The following USP12 variants were observed in gnomAD, a reference collection of about 807,000 sequenced individuals.
USP12 encodes ubiquitin specific peptidase 12.
Under a neutral mutation model 45.5 loss-of-function variants are expected in USP12, and 19 were observed. The observed-to-expected ratio is 0.42, with a 90% confidence interval of 0.29 to 0.61. The LOEUF (loss-of-function observed/expected upper bound fraction) is 0.61. Among genes scored for constraint, USP12 ranks in the 20% least tolerant of loss-of-function variants. The probability of loss-of-function intolerance (pLI) is 0.22; values close to 1 mark genes in which losing one functional copy is unlikely to be tolerated. For synonymous variants in USP12, 149 were observed against 148.8 expected, an observed-to-expected ratio of 1.00 and a Z score of -0.01; for missense variants, 242 against 447.7, an observed-to-expected ratio of 0.54 and a Z score of 4.15.
At chr13:27,076,188 C>CCAAT (rs1873480515) in intron 6 of USP12, among the ~76,000 whole-genome samples, 1 of 151,994 alleles carries the variant, frequency 6.6e-6, no homozygotes, top group Non-Finnish European at 1.5e-5. Flanking sequence ...GCACTAAAGA[C>CCAAT]CAATCAAGGT....
intron 6 of USP12, among the ~76,000 whole-genome samples, chr13:27,080,772 TTTGG>T (rs1485664246): frequency 1.3e-5 from 2 of 152,306 alleles, no homozygotes; most frequent in African/African-American, 4.8e-5. Context: ...CATACACATT[TTTGG>T]TTTCCCAGTG....
rs1872989433 is a variant in USP12, at chr13:27,066,340, T to G, written c.*2943A>C. On this transcript the variant is annotated 3_prime_UTR_variant, in exon 9 of 9. Transcript: ENST00000282344. ...GAGAGGTTAAGTGACTTGCCCAAGG[T>G]CACACAGTTAAATTCACTGAAGAGC... is the stretch of plus-strand genomic sequence containing the variant. 6.6e-6 allele frequency: 1 copy of G among 152,394 alleles called. No homozygotes were observed. The allele number at this position is 152,394 out of a possible 1,614,324, so 9.4% of individuals were successfully genotyped here.
intron 2 of USP12, among the ~76,000 whole-genome samples, chr13:27,106,603 T>A (rs923527637): frequency 6.6e-6 from 1 of 152,130 alleles, no homozygotes; most frequent in Non-Finnish European, 1.5e-5. Context: ...ATATTTCTAC[T>A]ATGGGGTGAA....
Position 27,111,430 on chromosome 13 carries a change from C to T in USP12, c.129+5086G>A, listed in dbSNP as rs1875440547. ...CATTGCTTTAGTGCTGAAATCTATGCTGTGTTATCTCAGCTGGTTTTGAAA... is the reference window on the plus strand; with the variant it reads ...CATTGCTTTAGTGCTGAAATCTATGTTGTGTTATCTCAGCTGGTTTTGAAA... On this transcript the variant is annotated intron_variant, in intron 2 of 8. Transcript: ENST00000282344. 3.3e-5 allele frequency among the ~76,000 whole-genome samples: 5 copies of T among 152,244 alleles called. 1 individual carries two copies. In the South Asian group the frequency reaches 1.0e-3, roughly 32 times the overall value.
intron 4 of USP12, among the ~76,000 whole-genome samples, chr13:27,094,411 G>A (rs1292810968): frequency 6.6e-6 from 1 of 152,122 alleles, no homozygotes; most frequent in Non-Finnish European, 1.5e-5. Context: ...TGAGGCAGGA[G>A]GATCACTTGA....
chr13:27,066,263 C>T lies in USP12; in HGVS notation c.*3020G>A, dbSNP rs1465415873. ...ATCTCTAATTAATCCCCACAACAACCCTGTGAGGTAGGTATTACTCCCATT... is the reference window on the plus strand; with the variant it reads ...ATCTCTAATTAATCCCCACAACAACTCTGTGAGGTAGGTATTACTCCCATT... On this transcript the variant is annotated 3_prime_UTR_variant, in exon 9 of 9. Coordinates refer to ENST00000282344, the MANE Select transcript of USP12 (RefSeq NM_182488.4). The T allele has an allele frequency of 6.6e-6, 1 of 152,112 alleles. No individual in the cohort carries two copies. The highest frequency in any genetic ancestry group is 1.5e-5 in the Non-Finnish European group (1 of 68,038). 9.4% of individuals were successfully genotyped at this position (152,112 alleles called of 1,614,324 possible).
intron 1 of USP12, among the ~76,000 whole-genome samples, chr13:27,122,830 A>G (rs1876059362): frequency 6.6e-6 from 1 of 152,128 alleles, no homozygotes; most frequent in Non-Finnish European, 1.5e-5. Context: ...GCGGTGGCTC[A>G]TGTCTGTAAT....
chr13:27,129,653 C>T lies in USP12; in HGVS notation c.49-13057G>A, dbSNP rs1419116377. Reference sequence around the variant, plus strand: ...CCCAGGAGTTCGAGGCTGCAGTGAACTATGACCTGGGCGACAGAGTGAGAC... The same window carrying T: ...CCCAGGAGTTCGAGGCTGCAGTGAATTATGACCTGGGCGACAGAGTGAGAC... On this transcript the variant is annotated intron_variant, in intron 1 of 8. Transcript: ENST00000282344. This position sits in a 1 kb window ranked among gnomAD's most constrained non-coding sequence, Gnocchi z 4.0. Among the ~76,000 whole-genome samples, 1 of 152,182 alleles carries T rather than the reference C, an allele frequency of 6.6e-6. No homozygotes were observed. The highest frequency in any genetic ancestry group is 1.9e-4 in the East Asian group (1 of 5,204).
At chr13:27,079,410 G>A (rs967628241) in intron 6 of USP12, among the ~76,000 whole-genome samples, 3 of 152,090 alleles carry the variant, frequency 2.0e-5, no homozygotes, top group African/African-American at 7.2e-5. Context: ...TCAAAGACTT[G>A]GAATTTGAAC....
chr13:27,078,616 T>C (rs1873602503), intron 6 of USP12, among the ~76,000 whole-genome samples: 1 of 151,482 alleles, frequency 6.6e-6, no homozygotes, highest in Admixed American at 6.6e-5. Flanking sequence ...CTGGCTATAC[T>C]AATGTCAGAC....
At chr13:27,075,944 C>A (rs544138173) in intron 6 of USP12, among the ~76,000 whole-genome samples, 1 of 150,224 alleles carries the variant, frequency 6.7e-6, no homozygotes, top group African/African-American at 2.5e-5. Context: ...GCAGGAGAAT[C>A]GCTTGAACCC....
Position 27,125,897 on chromosome 13 carries a change from AG to A in USP12, c.49-9302del, listed in dbSNP as rs534301094. 7.1e-4 allele frequency among the ~76,000 whole-genome samples: 108 copies of A among 152,114 alleles called. 2 individuals are homozygous for A. In the South Asian group the frequency reaches 0.022, roughly 31 times the overall value. The stretch of plus-strand genomic sequence containing the variant: ...TTGACCTGGGACGCTGGAGCTTGGC[AG>A]GGGGAGGGGCGTCCGCCATTGCTGA... On this transcript the variant is annotated intron_variant, in intron 1 of 8. Transcript: ENST00000282344.
intron 1 of USP12, among the ~76,000 whole-genome samples, chr13:27,152,814 C>T (rs987195988): frequency 9.2e-5 from 14 of 151,744 alleles, no homozygotes; most frequent in Admixed American, 5.2e-4. Flanking sequence ...TGGTGGCGGG[C>T]GCCTGTAGTC....
chr13:27,158,444 A>G (rs968437382), intron 1 of USP12, among the ~76,000 whole-genome samples: 2 of 152,212 alleles, frequency 1.3e-5, no homozygotes, highest in African/African-American at 4.8e-5. Context: ...TGACAGGGAT[A>G]CATTCTGAGA....
At chr13:27,163,632 A>G (rs1463643925) in intron 1 of USP12, among the ~76,000 whole-genome samples, 1 of 152,088 alleles carries the variant, frequency 6.6e-6, no homozygotes, top group Non-Finnish European at 1.5e-5. Flanking sequence ...AGAAAATAGT[A>G]TATGTAAAGC....
At chr13:27,106,711 T>A (rs889322733) in intron 2 of USP12, among the ~76,000 whole-genome samples, 1 of 151,774 alleles carries the variant, frequency 6.6e-6, no homozygotes, top group Non-Finnish European at 1.5e-5. Context: ...TTTATTTTTT[T>A]TAAAAAAATG....
At chr13:27,103,830 C>T (rs926548844) in intron 3 of USP12, among the ~76,000 whole-genome samples, 1 of 150,528 alleles carries the variant, frequency 6.6e-6, no homozygotes, top group Non-Finnish European at 1.5e-5. Context: ...ATAACGAACA[C>T]TGTAAAAATA....
At chr13:27,126,246 C>A (rs1416557002) in intron 1 of USP12, among the ~76,000 whole-genome samples, 1 of 152,212 alleles carries the variant, frequency 6.6e-6, no homozygotes, top group African/African-American at 2.4e-5. Context: ...CTCATACAGG[C>A]TGGTGCCCCC....
At chr13:27,166,736 T>C (rs1427215185) in intron 1 of USP12, among the ~76,000 whole-genome samples, 1 of 152,240 alleles carries the variant, frequency 6.6e-6, no homozygotes, top group Non-Finnish European at 1.5e-5. Context: ...AGTCTTATCT[T>C]TGTGATAACT....
Sources: allele counts gnomAD v4.1 joint callset (sites outside exome capture counted in the v4.1 genomes callset), GRCh38; gene constraint gnomAD v4.1.1; non-coding constraint Gnocchi (gnomAD v3.1); transcripts MANE v1.5; gene names NCBI Gene and HGNC (gene_info 2026-07-23, HGNC 2026-07-21).